THBS1: variants seen among roughly 807,000 people sequenced by gnomAD.
The protein encoded by THBS1 is thrombospondin 1, also known as thrombospondin-1.
A neutral mutation model predicts 126.1 loss-of-function variants in THBS1; 29 were observed. The observed-to-expected ratio is 0.23, with a 90% CI of 0.17 to 0.31. The LOEUF (loss-of-function observed/expected upper bound fraction) is 0.31, where lower values mean the gene tolerates loss of function less well. THBS1 is among the 10% of genes least tolerant of loss of function. The pLI, the probability that THBS1 is intolerant of heterozygous loss-of-function variation, is 1.00. For synonymous variants in THBS1, 496 were observed against 577.8 expected (o/e 0.86, Z 2.03); for missense variants, 1,198 against 1,545.2 (o/e 0.78, Z 3.77).
At chr15:39,588,346 A>C in intron 9 of THBS1, 128 bp downstream of exon 9, 1 of 1,328,744 alleles carries the variant, frequency 7.5e-7, no homozygotes, top group Non-Finnish European at 1.0e-6. Context: ...AAACAAACAG[A>C]AGCAAAGTCC....
chr15:39,590,104 TAA>T, intron 13 of THBS1, 81 bp downstream of exon 13: 1 of 1,240,148 alleles, frequency 8.1e-7, no homozygotes, highest in Non-Finnish European at 1.1e-6. Context: ...TTTAAATACT[TAA>T]AGTTTGGACA....
At position 39,589,219 on chromosome 15, in the gene THBS1, T is replaced by C. The variant is rs748658411; in HGVS notation, c.1791T>C (p.Asp597=). 2.5e-6 allele frequency: 4 copies of C among 1,614,070 alleles called. No individual in the cohort carries two copies. The highest frequency in any genetic ancestry group is 2.7e-5 in the African/African-American group (2 of 74,928). Residue 597 remains aspartate, a synonymous_variant, in exon 12 of 22, where the codon GAT becomes GAC. Transcript: ENST00000260356. The surrounding 1 kb of genome is among the most constrained non-coding windows in gnomAD (Gnocchi z 4.7). The part of the protein sequence containing the change: ...TDVDECKEVP[D]ACFNHNGEHR... The stretch of plus-strand genomic sequence containing the variant: ...CTCCATAGTGCAAAGAAGTGCCTGA[T>C]GCCTGCTTCAACCACAATGGAGAGC...
In THBS1 at chr15:39,595,816, G is replaced by A. The variant is rs1486691534; in HGVS notation, c.*447G>A. 1.3e-5 allele frequency: 6 copies of A among 459,774 alleles called. No individual in the cohort carries two copies. In the East Asian group the frequency reaches 2.1e-4, roughly 16 times the overall value. 28.5% of individuals were successfully genotyped at this position (459,774 alleles called of 1,614,324 possible). ...TCCTCCTTCAGGAACACGGGGAGCA[G>A]AGGCCAAAGCACTAAGGGGAGGGCG... On this transcript the variant is annotated 3_prime_UTR_variant, in exon 22 of 22. Coordinates refer to ENST00000260356, the MANE Select transcript of THBS1 (RefSeq NM_003246.4).
At chr15:39,584,534 TAAC>T (rs1389374488) in intron 6 of THBS1, 112 bp downstream of exon 6, 3 of 1,413,666 alleles carry the variant, frequency 2.1e-6, no homozygotes, top group Non-Finnish European at 2.8e-6. Flanking sequence ...CATGGCCTGA[TAAC>T]AAAGTGTTTT....
At position 39,582,251 on chromosome 15, in the gene THBS1, G is replaced by A; in HGVS notation, c.126G>A (p.Lys42=). ...TTGAACTCACCGGGGCCGCCCGCAA[G>A]GGGTCTGGGCGCCGACTGGTGAAGG... is the stretch of plus-strand genomic sequence containing the variant. The part of the protein sequence containing the change: ...DIFELTGAAR[K]GSGRRLVKGP... The change falls in exon 3 of 22, where the codon AAG becomes AAA. Residue 42 remains lysine, a synonymous_variant. Coordinates refer to ENST00000260356, the MANE Select transcript of THBS1 (RefSeq NM_003246.4). 1 of 1,614,044 alleles carries A rather than the reference G, an allele frequency of 6.2e-7. No individual in the cohort carries two copies. Among genetic ancestry groups the A allele is most frequent in the Non-Finnish European group, 8.5e-7 (1 of 1,179,992 alleles).
At position 39,588,035 on chromosome 15, in the gene THBS1, A is replaced by G; in HGVS notation, c.1295-7A>G. The G allele has an allele frequency of 6.2e-7, 1 of 1,613,632 alleles. No homozygotes were observed. Among genetic ancestry groups the G allele is most frequent in the South Asian group, 1.1e-5 (1 of 90,962 alleles). ...AACCATTTGTGACCATCAACTCTGT[A>G]CTTTAGTTAAACAGGATGGTGGCTG... On this transcript the variant is annotated splice_polypyrimidine_tract_variant and splice_region_variant and intron_variant, in intron 8 of 21. Transcript: ENST00000260356.
At position 39,582,275 on chromosome 15, in the gene THBS1, G is replaced by A. The variant is rs1395024320; in HGVS notation, c.150G>A (p.Lys50=). 2 of 1,614,138 alleles carry A rather than the reference G, an allele frequency of 1.2e-6. No individual in the cohort carries two copies. The highest frequency in any genetic ancestry group is 1.7e-5 in the Admixed American group (1 of 60,026). ...AGGGGTCTGGGCGCCGACTGGTGAA[G>A]GGCCCCGACCCTTCCAGCCCAGCTT... ...ARKGSGRRLV[K]GPDPSSPAFR... is the part of the protein sequence containing the mutation. The change falls in exon 3 of 22, where the codon AAG becomes AAA. Residue 50 remains lysine (K), a synonymous_variant. Transcript: ENST00000260356.
At chr15:39,587,760 T>C (rs1037034527) in intron 8 of THBS1, among the ~76,000 whole-genome samples, 1 of 152,242 alleles carries the variant, frequency 6.6e-6, no homozygotes, top group Non-Finnish European at 1.5e-5. Context: ...ATTTAGATAC[T>C]GCATGTAAAG....
intron 6 of THBS1, 138 bp downstream of exon 6, chr15:39,584,560 G>A: frequency 8.4e-7 from 1 of 1,192,250 alleles, no homozygotes; most frequent in Non-Finnish European, 1.2e-6. Context: ...TTTTCTTTAA[G>A]ATGCAATTAT....
chr15:39,584,067 C>G lies in THBS1; in HGVS notation c.783C>G (p.His261Gln). The part of the protein sequence containing the change: ...SPAIRTNYIG[H>Q]KTKDLQAICG... The stretch of plus-strand genomic sequence containing the variant: ...CCATCCGCACTAACTACATTGGCCA[C>G]AAGACAAAGGACTTGCAAGCCATCT... The change falls in exon 5 of 22, where the codon CAC becomes CAG. Residue 261 changes from histidine (H) to glutamine (Q), a missense_variant. His to Gln is a conservative substitution (Grantham distance 24). Around this residue, in one of 4 missense-constraint regions of THBS1, gnomAD observed 663 missense variants for 860.1 expected, o/e 0.77. Coordinates refer to ENST00000260356, the MANE Select transcript of THBS1 (RefSeq NM_003246.4). 6.2e-7 allele frequency: 1 copy of G among 1,614,226 alleles called. No homozygotes were observed.
At chr15:39,584,513 T>G in intron 6 of THBS1, 91 bp downstream of exon 6, 1 of 1,535,004 alleles carries the variant, frequency 6.5e-7, no homozygotes, top group Non-Finnish European at 8.8e-7. Context: ...ACAGAGATTC[T>G]TTTTATGTTC....
Position 39,595,955 on chromosome 15 carries a change from T to C in THBS1, c.*586T>C, listed in dbSNP as rs756515099. Reference sequence around the variant, plus strand: ...CTGGATTTCATGATGCTGACTGGCGTTAGCTGATTAACCCATGTAAATAGG... The same window carrying C: ...CTGGATTTCATGATGCTGACTGGCGCTAGCTGATTAACCCATGTAAATAGG... On this transcript the variant is annotated 3_prime_UTR_variant, in exon 22 of 22. Coordinates refer to ENST00000260356, the MANE Select transcript of THBS1 (RefSeq NM_003246.4). The C allele has an allele frequency of 3.4e-5, 15 of 435,312 alleles. No individual in the cohort carries two copies. Among genetic ancestry groups the C allele is most frequent in the Non-Finnish European group, 7.0e-5 (15 of 214,578 alleles). 27.0% of individuals were successfully genotyped at this position (435,312 alleles called of 1,614,324 possible).
intron 13 of THBS1, 45 bp downstream of exon 13, chr15:39,590,068 C>T: frequency 6.8e-7 from 1 of 1,466,216 alleles, no homozygotes; most frequent in Non-Finnish European, 9.2e-7. Flanking sequence ...GGGCCCATCA[C>T]CTTATCAAAA....
Position 39,598,799 on chromosome 15 carries a change from A to G in THBS1, c.*3430A>G, listed in dbSNP as rs1045555736. ...AACTCCAGGTCTTATAAGAATGTAC[A>G]TACAATAAAGGTGGTGCCAGCAGTT... is the stretch of plus-strand genomic sequence containing the variant. On this transcript the variant is annotated 3_prime_UTR_variant, in exon 22 of 22. Transcript: ENST00000260356. 9 of 152,024 alleles carry G rather than the reference A, an allele frequency of 5.9e-5. No homozygotes were observed. The highest frequency in any genetic ancestry group is 1.3e-4 in the Non-Finnish European group (9 of 68,004). 9.4% of individuals were successfully genotyped at this position (152,024 alleles called of 1,614,324 possible).
In THBS1 at chr15:39,596,080, A is replaced by C. The variant is rs17633107; in HGVS notation, c.*711A>C. The C allele has an allele frequency of 0.13, 46,514 of 354,240 alleles. 3,541 individuals are homozygous for C. The highest frequency in any genetic ancestry group is 0.17 in the Non-Finnish European group (30,373 of 178,924). The allele number at this position is 354,240 out of a possible 1,614,324, so 21.9% of individuals were successfully genotyped here. On this transcript the variant is annotated 3_prime_UTR_variant, in exon 22 of 22. Coordinates refer to ENST00000260356, the MANE Select transcript of THBS1 (RefSeq NM_003246.4). ...CACCTGCAGTGGCCAGAATTAGGGA[A>C]TCAGAATCAAACCAGTGTAAGGCAG... is the stretch of plus-strand genomic sequence containing the variant.
chr15:39,587,076 T>C, intron 7 of THBS1: 1 of 280,534 alleles, frequency 3.6e-6, no homozygotes, highest in Non-Finnish European at 6.7e-6. Flanking sequence ...AGAGAGTAGA[T>C]CTTAAGTCAT....
In THBS1 at chr15:39,591,568, T is replaced by C; in HGVS notation, c.2477T>C (p.Met826Thr). Residue 826 changes from methionine to threonine, a missense_variant, in exon 16 of 22, where the codon ATG becomes ACG. Coordinates refer to ENST00000260356, the MANE Select transcript of THBS1 (RefSeq NM_003246.4). ...VYNVDQRDTD[M>T]DGVGDQCDNC... ...AATGTGGACCAGAGAGACACTGATA[T>C]GGATGGGGTTGGAGATCAGTGTGAC... The C allele has an allele frequency of 6.2e-7, 1 of 1,614,196 alleles. No individual in the cohort carries two copies. Among genetic ancestry groups the C allele is most frequent in the Non-Finnish European group, 8.5e-7 (1 of 1,180,028 alleles).
chr15:39,584,248 C>G, intron 5 of THBS1, 52 bp from the exon 6 acceptor site: 1 of 1,614,178 alleles, frequency 6.2e-7, no homozygotes, highest in Non-Finnish European at 8.5e-7. Flanking sequence ...CGCAGATGGT[C>G]CCAAATGACT....
rs1890551587 is a variant in THBS1, at chr15:39,599,113, C to A, written c.*3744C>A. On this transcript the variant is annotated 3_prime_UTR_variant, in exon 22 of 22. Transcript: ENST00000260356. ...GCTAATTCTGTATTTTTAGTAAAGA[C>A]GGGGTTTCACCTTGTTCCGGACAAA... 1 of 152,048 alleles carries A rather than the reference C, an allele frequency of 6.6e-6. No homozygotes were observed. Among genetic ancestry groups the A allele is most frequent in the Non-Finnish European group, 1.5e-5 (1 of 67,998 alleles). The allele number at this position is 152,048 out of a possible 1,614,324, so 9.4% of individuals were successfully genotyped here.
Sources: gnomAD v4.1 joint callset for allele counts (sites outside exome capture counted in the v4.1 genomes callset) on GRCh38, gnomAD v4.1.1 for gene constraint, gnomAD v4.1.1 regional missense constraint, Gnocchi (gnomAD v3.1) non-coding constraint, MANE v1.5 for transcripts, NCBI Gene and HGNC (gene_info 2026-07-23, HGNC 2026-07-21) for gene names.